ATG4C: variants seen among roughly 807,000 people sequenced by gnomAD.
The protein encoded by ATG4C is cysteine protease ATG4C.
A neutral mutation model predicts 57.6 loss-of-function variants in ATG4C; 56 were observed. The ratio of observed to expected loss-of-function variants is 0.97; its 90% confidence interval spans 0.78 to 1.21. The LOEUF (loss-of-function observed/expected upper bound fraction) is 1.21, where lower values mean the gene tolerates loss of function less well. Among genes scored for constraint, ATG4C ranks in the 50% most tolerant of loss-of-function variants. The pLI, the probability that ATG4C is intolerant of heterozygous loss-of-function variation, is 0.00. For missense variants in ATG4C, 595 were observed against 529.8 expected (o/e 1.12, Z -1.21); for synonymous variants, 157 against 174.1 (o/e 0.90, Z 0.78).
chr1:62,853,538 G>A (rs1268071811), intron 10 of ATG4C, among the ~76,000 whole-genome samples: 4 of 152,060 alleles, frequency 2.6e-5, no homozygotes, highest in South Asian at 4.1e-4. Context: ...CCCCGACCTC[G>A]TGGTCTCAAG....
At chr1:62,808,035 A>G (rs78777969) in intron 3 of ATG4C, among the ~76,000 whole-genome samples, 4,706 of 152,300 alleles carry the variant, frequency 0.031, 254 homozygotes, top group African/African-American at 0.11. Context: ...GGTGTGGGAA[A>G]AACCTTCACA....
intron 6 of ATG4C, among the ~76,000 whole-genome samples, chr1:62,821,605 A>G (rs1188627371): frequency 6.6e-6 from 1 of 152,116 alleles, no homozygotes; most frequent in Non-Finnish European, 1.5e-5. Flanking sequence ...TCAGTAAATC[A>G]TCTACTAATG....
chr1:62,792,822 C>T (rs1188682749), intron 1 of ATG4C, among the ~76,000 whole-genome samples: 1 of 151,704 alleles, frequency 6.6e-6, no homozygotes, highest in Non-Finnish European at 1.5e-5. Context: ...GTGGTTGAAC[C>T]CAAGTAGTAG....
intron 10 of ATG4C, 59 bp downstream of exon 10, chr1:62,841,606 T>C: frequency 7.4e-7 from 1 of 1,358,438 alleles, no homozygotes; most frequent in Non-Finnish European, 9.9e-7. Context: ...AAACAGACTG[T>C]CAGAAAGCAA....
intron 2 of ATG4C, among the ~76,000 whole-genome samples, 155 bp downstream of exon 2, chr1:62,804,017 C>T (rs1193785910): frequency 6.6e-6 from 1 of 151,822 alleles, no homozygotes; most frequent in Non-Finnish European, 1.5e-5. Flanking sequence ...AAAAATATCT[C>T]CTGAAGAAAG....
At chr1:62,817,758 AT>A (rs949329399) in intron 4 of ATG4C, among the ~76,000 whole-genome samples, 1 of 152,198 alleles carries the variant, frequency 6.6e-6, no homozygotes, top group African/African-American at 2.4e-5. Flanking sequence ...GTGTTAGTCC[AT>A]TTTTAATAAT....
At chr1:62,787,554 C>G (rs925121969) in intron 1 of ATG4C, among the ~76,000 whole-genome samples, 3 of 151,946 alleles carry the variant, frequency 2.0e-5, no homozygotes, top group Non-Finnish European at 4.4e-5. Flanking sequence ...GATATTGAAC[C>G]CAAACAGTAG....
intron 9 of ATG4C, among the ~76,000 whole-genome samples, chr1:62,837,477 A>G (rs1666032861): frequency 6.6e-6 from 1 of 152,216 alleles, no homozygotes; most frequent in Non-Finnish European, 1.5e-5. Context: ...ATCAAAGAAC[A>G]ACTTGAAATT....
chr1:62,824,083 G>A (rs1261007287), intron 6 of ATG4C, among the ~76,000 whole-genome samples: 1 of 152,014 alleles, frequency 6.6e-6, no homozygotes. Context: ...GTTGAGATTC[G>A]CTGCTGTAAT....
At chr1:62,816,119 A>G (rs1031385809) in intron 3 of ATG4C, among the ~76,000 whole-genome samples, 1 of 152,092 alleles carries the variant, frequency 6.6e-6, no homozygotes, top group East Asian at 1.9e-4. Flanking sequence ...AAACGTCTTT[A>G]TTTTGCCTTT....
At chr1:62,794,903 A>G (rs1664409944) in intron 1 of ATG4C, among the ~76,000 whole-genome samples, 1 of 152,222 alleles carries the variant, frequency 6.6e-6, no homozygotes, top group Non-Finnish European at 1.5e-5. Context: ...CTTCAAGATC[A>G]GATAAGGGAT....
intron 1 of ATG4C, among the ~76,000 whole-genome samples, chr1:62,791,042 TGTG>T (rs1664258974): frequency 6.6e-6 from 1 of 152,256 alleles, no homozygotes; most frequent in African/African-American, 2.4e-5. Context: ...GAATACTTGT[TGTG>T]ACTGTATTTT....
intron 6 of ATG4C, among the ~76,000 whole-genome samples, chr1:62,825,129 G>T (rs112448636): frequency 0.24 from 36,088 of 151,536 alleles, 5,758 homozygotes; most frequent in African/African-American, 0.45. Context: ...CCAGCTACTC[G>T]GGAGGCTGAG....
chr1:62,821,037 A>G (rs1665463974), intron 5 of ATG4C, 102 bp from the exon 6 acceptor site: 1 of 805,246 alleles, frequency 1.2e-6, no homozygotes, highest in African/African-American at 1.8e-5. Context: ...GTTAAATAGG[A>G]AAGTCACAAA....
At chr1:62,834,940 G>T (rs879852380) in intron 9 of ATG4C, 88 bp downstream of exon 9, 2 of 1,086,938 alleles carry the variant, frequency 1.8e-6, no homozygotes, top group Non-Finnish European at 2.7e-6. Context: ...ATGCTTTTAC[G>T]GTATTATAAC....
chr1:62,823,902 C>T (rs57885631), intron 6 of ATG4C, among the ~76,000 whole-genome samples: 12,042 of 152,146 alleles, frequency 0.079, 616 homozygotes, highest in African/African-American at 0.14. Context: ...TCCCAACTCT[C>T]GTTAGGCAGA....
chr1:62,789,172 C>T (rs1664184314), intron 1 of ATG4C, among the ~76,000 whole-genome samples: 1 of 152,156 alleles, frequency 6.6e-6, no homozygotes. Context: ...TTCTGTCATT[C>T]CTACATGTAT....
intron 10 of ATG4C, among the ~76,000 whole-genome samples, chr1:62,860,517 T>C (rs548028266): frequency 4.6e-5 from 7 of 152,334 alleles, no homozygotes; most frequent in Non-Finnish European, 8.8e-5. Flanking sequence ...TTCAGCTGCA[T>C]TATTATCTTA....
intron 9 of ATG4C, among the ~76,000 whole-genome samples, chr1:62,836,951 G>T (rs1418182964): frequency 1.3e-5 from 2 of 152,026 alleles, no homozygotes; most frequent in Non-Finnish European, 2.9e-5. Context: ...TGCATTTTTT[G>T]TTGTTCTTAC....
Sources: allele counts gnomAD v4.1 joint callset (sites outside exome capture counted in the v4.1 genomes callset), GRCh38; gene constraint gnomAD v4.1.1; transcripts MANE v1.5; gene names NCBI Gene and HGNC (gene_info 2026-07-23, HGNC 2026-07-21).